The following ELOVL5 variants were observed in gnomAD, a reference collection of about 807,000 sequenced individuals.
ELOVL5 encodes the protein very long chain fatty acid elongase 5.
A neutral mutation model predicts 38.6 loss-of-function variants in ELOVL5; 8 were observed. The ratio of observed to expected loss-of-function variants is 0.21; its 90% CI spans 0.12 to 0.37. The LOEUF is 0.37. Among genes scored for constraint, ELOVL5 ranks in the 10% least tolerant of loss-of-function variants. The probability of loss-of-function intolerance (pLI) is 1.00; values close to 1 mark genes in which losing one functional copy is unlikely to be tolerated. For missense variants in ELOVL5, 280 were observed against 367.8 expected (o/e 0.76, Z 1.95); for synonymous variants, 127 against 133.7 (o/e 0.95, Z 0.34).
chr6:53,306,605 G>A (rs552378114), intron 1 of ELOVL5, among the ~76,000 whole-genome samples: 41 of 152,186 alleles, frequency 2.7e-4, no homozygotes, highest in African/African-American at 9.1e-4. Context: ...AGCTAAAGAA[G>A]AAATGTACAG....
At chr6:53,315,244 T>C (rs928927671) in intron 1 of ELOVL5, among the ~76,000 whole-genome samples, 1 of 152,070 alleles carries the variant, frequency 6.6e-6, no homozygotes, top group Non-Finnish European at 1.5e-5. Context: ...TGGTCCCTCT[T>C]CCTCCTATAA....
intron 3 of ELOVL5, among the ~76,000 whole-genome samples, chr6:53,286,951 A>C (rs1294757826): frequency 2.6e-5 from 4 of 152,334 alleles, no homozygotes; most frequent in African/African-American, 9.6e-5. Flanking sequence ...GCATTTTTGT[A>C]ATGTTTTCTT....
chr6:53,324,110 C>T (rs565037504), intron 1 of ELOVL5, among the ~76,000 whole-genome samples: 3 of 151,474 alleles, frequency 2.0e-5, no homozygotes, highest in South Asian at 4.2e-4. Flanking sequence ...AAAACTAGCC[C>T]GGCATGGTGG....
chr6:53,294,882 C>T (rs1451731330), intron 2 of ELOVL5, among the ~76,000 whole-genome samples: 1 of 152,166 alleles, frequency 6.6e-6, no homozygotes, highest in African/African-American at 2.4e-5. Flanking sequence ...GGCAAAAGGG[C>T]ATGTGCATTT....
intron 3 of ELOVL5, among the ~76,000 whole-genome samples, chr6:53,283,298 T>C (rs1304282811): frequency 6.6e-6 from 1 of 152,216 alleles, no homozygotes; most frequent in Non-Finnish European, 1.5e-5. Context: ...CCAAAATCTT[T>C]ATGTGGAAAA....
intron 1 of ELOVL5, among the ~76,000 whole-genome samples, chr6:53,320,348 T>C (rs1220036816): frequency 6.6e-6 from 1 of 151,324 alleles, no homozygotes; most frequent in Admixed American, 6.6e-5. Context: ...CTTTTTTTTC[T>C]TTTTTTGAGA....
intron 1 of ELOVL5, among the ~76,000 whole-genome samples, chr6:53,341,384 T>G (rs1561896238): frequency 6.6e-6 from 1 of 152,220 alleles, no homozygotes; most frequent in Non-Finnish European, 1.5e-5. Flanking sequence ...CAAAGATCAC[T>G]ACTTAGGTCT....
At chr6:53,324,113 C>T (rs989435516) in intron 1 of ELOVL5, among the ~76,000 whole-genome samples, 2 of 151,506 alleles carry the variant, frequency 1.3e-5, no homozygotes, top group African/African-American at 4.8e-5. Flanking sequence ...ACTAGCCCGG[C>T]ATGGTGGCAC....
chr6:53,343,120 A>C (rs1214754251), intron 1 of ELOVL5, among the ~76,000 whole-genome samples: 1 of 152,230 alleles, frequency 6.6e-6, no homozygotes, highest in African/African-American at 2.4e-5. Context: ...GTGATGTTTT[A>C]ATCTCATAAA....
chr6:53,288,656 A>G (rs1311731234), intron 3 of ELOVL5, among the ~76,000 whole-genome samples: 1 of 152,238 alleles, frequency 6.6e-6, no homozygotes, highest in Non-Finnish European at 1.5e-5. Flanking sequence ...TTCCTTCTAC[A>G]TTTTAAACTC....
intron 1 of ELOVL5, among the ~76,000 whole-genome samples, chr6:53,298,900 C>CG (rs35819949): frequency 0.39 from 30,970 of 78,636 alleles, 5,272 homozygotes; most frequent in African/African-American, 0.54. Context: ...GGGGGCAAGG[C>CG]GGGGGGGGGG....
At chr6:53,316,011 C>T (rs555907151) in intron 1 of ELOVL5, among the ~76,000 whole-genome samples, 2 of 152,250 alleles carry the variant, frequency 1.3e-5, no homozygotes, top group South Asian at 4.1e-4. Context: ...CCTCAGTTTC[C>T]CAACTCATAA....
intron 1 of ELOVL5, among the ~76,000 whole-genome samples, chr6:53,331,892 A>T (rs1036730893): frequency 6.6e-6 from 1 of 152,214 alleles, no homozygotes; most frequent in Non-Finnish European, 1.5e-5. Flanking sequence ...CAAGCAGCAC[A>T]GTGCCAGCAT....
intron 1 of ELOVL5, among the ~76,000 whole-genome samples, chr6:53,314,770 C>A (rs923223378): frequency 6.6e-6 from 1 of 151,870 alleles, no homozygotes; most frequent in East Asian, 1.9e-4. Context: ...TAACACACAC[C>A]CACCCTTGAA....
chr6:53,325,873 C>T (rs988867190), intron 1 of ELOVL5, among the ~76,000 whole-genome samples: 2 of 152,164 alleles, frequency 1.3e-5, no homozygotes, highest in South Asian at 2.1e-4. Context: ...ACATTCCACT[C>T]GACCAGAAAA....
intron 1 of ELOVL5, among the ~76,000 whole-genome samples, chr6:53,339,178 T>C (rs1384359543): frequency 6.6e-6 from 1 of 152,216 alleles, no homozygotes; most frequent in Admixed American, 6.5e-5. Context: ...ACACACAGTC[T>C]AGCAACTGTG....
At chr6:53,343,648 G>A (rs73740722) in intron 1 of ELOVL5, among the ~76,000 whole-genome samples, 6,753 of 152,154 alleles carry the variant, frequency 0.044, 233 homozygotes, top group African/African-American at 0.098. Flanking sequence ...CATTTTAAAG[G>A]AAAAGAGACC....
chr6:53,300,060 C>CGATT (rs1023715458), intron 1 of ELOVL5, among the ~76,000 whole-genome samples: 14 of 152,114 alleles, frequency 9.2e-5, no homozygotes, highest in Non-Finnish European at 2.9e-5. Context: ...ACAACAGGCC[C>CGATT]TAATCAGGAG....
In ELOVL5 at chr6:53,269,025, T is replaced by TTAC. The variant is rs1366523524; in HGVS notation, c.*101_*102insGTA. 7.3e-7 allele frequency: 1 copy of TTAC among 1,365,900 alleles called. No individual in the cohort carries two copies. The highest frequency in any genetic ancestry group is 1.0e-6 in the Non-Finnish European group (1 of 989,556). The allele number at this position is 1,365,900 out of a possible 1,614,324, so 84.6% of individuals were successfully genotyped here. A position where few individuals can be genotyped will look rare whatever the true frequency, so the allele number is the denominator to read the frequency against. The stretch of plus-strand genomic sequence containing the variant: ...AAGTCCTACATGAATCACACTATTG[T>TTAC]AGGCCAGACTAGTTACAGCAGCTGT... On this transcript the variant is annotated 3_prime_UTR_variant, in exon 8 of 8. Transcript: ENST00000304434.
Sources: gnomAD v4.1 joint callset for allele counts (sites outside exome capture counted in the v4.1 genomes callset) on GRCh38, gnomAD v4.1.1 for gene constraint, MANE v1.5 for transcripts, NCBI Gene and HGNC (gene_info 2026-07-23, HGNC 2026-07-21) for gene names.